Variants in SUSD6 observed in about 807,000 individuals in gnomAD.
SUSD6 encodes the protein sushi domain containing 6.
A neutral mutation model predicts 28.4 loss-of-function variants in SUSD6; 16 were observed. The ratio of observed to expected loss-of-function variants is 0.56; its 90% CI spans 0.38 to 0.86. The LOEUF (loss-of-function observed/expected upper bound fraction) is 0.86, where lower values mean the gene tolerates loss of function less well. Among genes scored for constraint, SUSD6 ranks in the 40% least tolerant of loss-of-function variants. The pLI is 0.00. For synonymous variants in SUSD6, 147 were observed against 159.6 expected, an observed-to-expected ratio of 0.92 and a Z score of 0.59; for missense variants, 341 against 384.2, an observed-to-expected ratio of 0.89 and a Z score of 0.94.
intron 4 of SUSD6, among the ~76,000 whole-genome samples, chr14:69,705,318 ATT>A (rs1230815454): frequency 6.7e-6 from 1 of 150,274 alleles, no homozygotes. Context: ...ACTCTGTCCC[ATT>A]AAAAAAAAAA....
intron 2 of SUSD6, among the ~76,000 whole-genome samples, chr14:69,661,516 C>T (rs1455840645): frequency 1.3e-5 from 2 of 152,170 alleles, no homozygotes; most frequent in East Asian, 3.9e-4. Context: ...CAAGTCTTTT[C>T]TACTCCCCAT....
intron 2 of SUSD6, among the ~76,000 whole-genome samples, chr14:69,673,672 C>A (rs1198208678): frequency 6.6e-6 from 1 of 152,130 alleles, no homozygotes; most frequent in Non-Finnish European, 1.5e-5. Context: ...AGCCCCGGGG[C>A]TGGATCATTT....
Position 69,612,925 on chromosome 14 carries a change from T to TAA in SUSD6, c.-81+1098_-81+1099insAA, listed in dbSNP as rs572585963. ...CTGGTGTAAAAACATACATAGGAGT[T>TAA]ACGCACACACACCTTTTCTGTTTTG... On this transcript the variant is annotated intron_variant, in intron 1 of 5. Coordinates refer to ENST00000342745, the MANE Select transcript of SUSD6 (RefSeq NM_014734.4). 7.9e-4 allele frequency among the ~76,000 whole-genome samples: 121 copies of TAA among 152,342 alleles called. 1 individual carries two copies. In the South Asian group the frequency reaches 0.015, roughly 19 times the overall value.
intron 3 of SUSD6, chr14:69,703,856 C>G (rs986565208): frequency 1.9e-6 from 1 of 536,348 alleles, no homozygotes; most frequent in African/African-American, 1.9e-5. Context: ...GTTTGCATGG[C>G]CAAGTGTTGG....
intron 2 of SUSD6, among the ~76,000 whole-genome samples, chr14:69,667,683 G>A (rs1466934518): frequency 6.6e-6 from 1 of 151,974 alleles, no homozygotes; most frequent in Non-Finnish European, 1.5e-5. Context: ...GTGCCTGGCG[G>A]TTGCTCAGTT....
chr14:69,622,671 G>A (rs1372514716), intron 1 of SUSD6, among the ~76,000 whole-genome samples: 1 of 152,012 alleles, frequency 6.6e-6, no homozygotes, highest in African/African-American at 2.4e-5. Context: ...TCGGCTCACT[G>A]CAACCTCTGT....
intron 2 of SUSD6, among the ~76,000 whole-genome samples, chr14:69,688,949 C>A (rs926814578): frequency 6.6e-6 from 1 of 152,206 alleles, no homozygotes; most frequent in Non-Finnish European, 1.5e-5. Flanking sequence ...TGGCACCAGC[C>A]TGATTTTCTA....
chr14:69,709,053 A>G lies in SUSD6; in HGVS notation c.835A>G (p.Asn279Asp). The G allele has an allele frequency of 3.1e-6, 5 of 1,613,412 alleles. No homozygotes were observed. The highest frequency in any genetic ancestry group is 4.2e-6 in the Non-Finnish European group (5 of 1,179,826). Residue 279 changes from asparagine (N) to aspartate (D), a missense_variant, in exon 5 of 6, where the codon AAC (asparagine) becomes GAC (aspartate). Physicochemically the swap from Asn to Asp is conservative, Grantham distance 23. Coordinates refer to ENST00000342745, the MANE Select transcript of SUSD6 (RefSeq NM_014734.4). The stretch of plus-strand genomic sequence containing the variant: ...ACACAAAGAAACTGCAGATTCAGAG[A>G]ACAGTGACATACAAAGCCTTTTATC... ...LAHKETADSENSDIQSLLSLT... is the reference protein window; with the variant it reads ...LAHKETADSEDSDIQSLLSLT...
At position 69,679,948 on chromosome 14, in the gene SUSD6, T is replaced by C. The variant is rs151300299; in HGVS notation, c.121+21235T>C. 4.8e-4 allele frequency among the ~76,000 whole-genome samples: 73 copies of C among 152,340 alleles called. No individual in the cohort carries two copies. In the East Asian group the frequency reaches 0.01, roughly 21 times the overall value. Reference sequence around the variant, plus strand: ...TTTTATGCCTTCTCAGAAACACTTATATGGCCTGAATGGAACATCTTCCCT... The same window carrying C: ...TTTTATGCCTTCTCAGAAACACTTACATGGCCTGAATGGAACATCTTCCCT... On this transcript the variant is annotated intron_variant, in intron 2 of 5. Transcript: ENST00000342745.
At chr14:69,641,284 T>G (rs753296391) in intron 1 of SUSD6, among the ~76,000 whole-genome samples, 1 of 152,226 alleles carries the variant, frequency 6.6e-6, no homozygotes, top group Non-Finnish European at 1.5e-5. Context: ...TTCTTGTATC[T>G]GTTTGTGCAT....
chr14:69,677,632 T>A lies in SUSD6; in HGVS notation c.121+18919T>A, dbSNP rs138927775. Among the ~76,000 whole-genome samples the A allele has an allele frequency of 8.1e-4, 116 of 143,504 alleles. 1 individual carries two copies. In the South Asian group the frequency reaches 0.017, roughly 22 times the overall value. 94.1% of individuals were successfully genotyped at this position (143,504 alleles called of 152,430 possible). ...TGACTGTTTTGCAGAGGGGAGTGGG[T>A]GGGGTGGGTGGCAGCAGTGGAGACA... On this transcript the variant is annotated intron_variant, in intron 2 of 5. Coordinates refer to ENST00000342745, the MANE Select transcript of SUSD6 (RefSeq NM_014734.4).
chr14:69,624,500 T>A (rs551063460), intron 1 of SUSD6, among the ~76,000 whole-genome samples: 1 of 151,840 alleles, frequency 6.6e-6, no homozygotes, highest in East Asian at 1.9e-4. Context: ...TTGCCCAGGC[T>A]GGAGTGCCAT....
chr14:69,650,125 T>C (rs1885481902), intron 1 of SUSD6, among the ~76,000 whole-genome samples: 1 of 152,210 alleles, frequency 6.6e-6, no homozygotes, highest in African/African-American at 2.4e-5. Context: ...GTTTAACCTG[T>C]TGGCTGTTCT....
At chr14:69,675,976 A>G (rs1885902206) in intron 2 of SUSD6, among the ~76,000 whole-genome samples, 1 of 151,964 alleles carries the variant, frequency 6.6e-6, no homozygotes, top group Admixed American at 6.6e-5. Context: ...TTCCCATGCT[A>G]TTGTCTTTAG....
Position 69,711,387 on chromosome 14 carries a change from C to T in SUSD6, c.*408C>T. 4.5e-6 allele frequency: 1 copy of T among 220,228 alleles called. No individual in the cohort carries two copies. Among genetic ancestry groups the T allele is most frequent in the Non-Finnish European group, 9.2e-6 (1 of 108,802 alleles). 13.6% of individuals were successfully genotyped at this position (220,228 alleles called of 1,614,324 possible). On this transcript the variant is annotated 3_prime_UTR_variant, in exon 6 of 6. Transcript: ENST00000342745. ...CACCCTGTCCAGTTTCCCTGTCATG[C>T]AGACTTGTTGCTGTCCACAAGCCTT... is the stretch of plus-strand genomic sequence containing the variant.
rs970893621 is a variant in SUSD6 at position 69,703,327 on chromosome 14, C to T, written c.122-68C>T. The T allele has an allele frequency of 1.1e-4, 133 of 1,252,680 alleles. 1 individual carries two copies. The East Asian group carries it at 1.4e-3, about 13-fold the overall frequency. The allele number at this position is 1,252,680 out of a possible 1,614,324, so 77.6% of individuals were successfully genotyped here. A position where few individuals can be genotyped will look rare whatever the true frequency, so the allele number is the denominator to read the frequency against. On this transcript the variant is annotated intron_variant, in intron 2 of 5. Coordinates refer to ENST00000342745, the MANE Select transcript of SUSD6 (RefSeq NM_014734.4). Reference sequence around the variant, plus strand: ...TTTCCTGTAGAGGCCTTCAGAGCTGCGTCACTGAGAGCAGACTCCTACTGG... The same window carrying T: ...TTTCCTGTAGAGGCCTTCAGAGCTGTGTCACTGAGAGCAGACTCCTACTGG...
intron 2 of SUSD6, among the ~76,000 whole-genome samples, chr14:69,676,531 C>T (rs994437997): frequency 6.6e-6 from 1 of 152,106 alleles, no homozygotes; most frequent in Non-Finnish European, 1.5e-5. Flanking sequence ...AGGTGCATGC[C>T]ACCATGCCTG....
chr14:69,668,668 G>A (rs1347328370), intron 2 of SUSD6, among the ~76,000 whole-genome samples: 1 of 150,974 alleles, frequency 6.6e-6, no homozygotes, highest in African/African-American at 2.4e-5. Context: ...AAGAAAGAAA[G>A]TATACCCCTA....
At chr14:69,677,475 A>G (rs1447161697) in intron 2 of SUSD6, among the ~76,000 whole-genome samples, 4 of 150,602 alleles carry the variant, frequency 2.7e-5, no homozygotes, top group African/African-American at 9.8e-5. Flanking sequence ...TGAACCTGGG[A>G]GGCGGAGCTT....
Sources: allele counts gnomAD v4.1 joint callset (sites outside exome capture counted in the v4.1 genomes callset), GRCh38; gene constraint gnomAD v4.1.1; transcripts MANE v1.5; gene names NCBI Gene and HGNC (gene_info 2026-07-23, HGNC 2026-07-21).